Variants in SNX24 observed in about 807,000 individuals in gnomAD.
SNX24 encodes the protein sorting nexin 24.
SNX24 carries 22 observed loss-of-function variants against 28.7 expected under a neutral mutation model. The ratio of observed to expected loss-of-function variants is 0.77; its 90% CI spans 0.55 to 1.10. SNX24 has a LOEUF of 1.10. Among genes scored for constraint, SNX24 ranks in the 50% least tolerant of loss-of-function variants. SNX24 has a pLI of 0.00. For synonymous variants in SNX24, 69 were observed against 71.5 expected (o/e 0.96, Z 0.18); for missense variants, 221 against 201.1 (o/e 1.10, Z -0.60).
intron 3 of SNX24, among the ~76,000 whole-genome samples, chr5:122,999,059 G>T (rs1296229227): frequency 6.6e-6 from 1 of 152,062 alleles, no homozygotes; most frequent in African/African-American, 2.4e-5. Flanking sequence ...AAGAGGGGGA[G>T]GGGGAGGGGG....
chr5:122,858,521 T>C (rs1190924019), intron 1 of SNX24, among the ~76,000 whole-genome samples: 2 of 152,230 alleles, frequency 1.3e-5, no homozygotes, highest in African/African-American at 2.4e-5. Context: ...AATGAGTCTT[T>C]AGAATAAATT....
chr5:122,918,777 A>G (rs1758294539), intron 1 of SNX24, among the ~76,000 whole-genome samples: 1 of 152,372 alleles, frequency 6.6e-6, no homozygotes, highest in African/African-American at 2.4e-5. Context: ...CAGAATCCTA[A>G]GAAAGAACAG....
chr5:122,963,852 G>A (rs1364326851), intron 3 of SNX24, among the ~76,000 whole-genome samples: 1 of 151,922 alleles, frequency 6.6e-6, no homozygotes. Context: ...TAACTTTTTT[G>A]TTATTGTTCT....
intron 1 of SNX24, among the ~76,000 whole-genome samples, chr5:122,934,319 C>G (rs921194004): frequency 7.9e-5 from 12 of 152,188 alleles, no homozygotes; most frequent in Non-Finnish European, 1.6e-4. Flanking sequence ...AAAGACTTTA[C>G]AAAAATGACC....
chr5:122,937,683 C>T (rs545109653), intron 2 of SNX24, among the ~76,000 whole-genome samples: 5 of 152,266 alleles, frequency 3.3e-5, no homozygotes, highest in African/African-American at 1.2e-4. Flanking sequence ...GTTATTGGTA[C>T]ACTTTTCTGT....
chr5:122,853,114 C>A (rs954030224), intron 1 of SNX24, among the ~76,000 whole-genome samples: 5 of 129,920 alleles, frequency 3.8e-5, no homozygotes, highest in Admixed American at 1.6e-4. Context: ...TGTTCTTTAG[C>A]CTTTTTTTTT....
chr5:122,935,850 T>A (rs1759158375), intron 1 of SNX24, among the ~76,000 whole-genome samples: 1 of 152,216 alleles, frequency 6.6e-6, no homozygotes, highest in Non-Finnish European at 1.5e-5. Flanking sequence ...AAAATTAGGC[T>A]TATTAAGTAA....
intron 3 of SNX24, among the ~76,000 whole-genome samples, chr5:122,974,016 C>T (rs1561680183): frequency 6.6e-6 from 1 of 152,182 alleles, no homozygotes; most frequent in African/African-American, 2.4e-5. Flanking sequence ...CTGTTCTGGA[C>T]TCGAAACTGG....
At chr5:122,922,059 G>C (rs1320586893) in intron 1 of SNX24, among the ~76,000 whole-genome samples, 1 of 152,162 alleles carries the variant, frequency 6.6e-6, no homozygotes, top group Admixed American at 6.5e-5. Flanking sequence ...AGTGATTCAT[G>C]CTGAGGCCCG....
intron 2 of SNX24, among the ~76,000 whole-genome samples, chr5:122,943,851 G>A (rs1469078857): frequency 1.3e-5 from 2 of 152,086 alleles, no homozygotes; most frequent in African/African-American, 4.8e-5. Context: ...GTCCCCCACA[G>A]CCCTTTTTCT....
At chr5:123,012,839 C>T (rs1193938528), downstream of SNX24, among the ~76,000 whole-genome samples, 1 of 152,134 alleles carries the variant, frequency 6.6e-6, no homozygotes, top group Non-Finnish European at 1.5e-5. Flanking sequence ...TAGTTCTAAA[C>T]CAGAGATTTG....
intron 1 of SNX24, among the ~76,000 whole-genome samples, chr5:122,922,357 A>G (rs1758468817): frequency 6.6e-6 from 1 of 152,018 alleles, no homozygotes; most frequent in Non-Finnish European, 1.5e-5. Flanking sequence ...GATTCAAGCA[A>G]TTCTCCTGCC....
chr5:122,965,189 G>A (rs1760667691), intron 3 of SNX24, among the ~76,000 whole-genome samples: 1 of 152,136 alleles, frequency 6.6e-6, no homozygotes, highest in African/African-American at 2.4e-5. Flanking sequence ...CCCAAGCCTG[G>A]TTAATTATGC....
intron 3 of SNX24, among the ~76,000 whole-genome samples, chr5:122,992,815 G>A (rs1301132581): frequency 6.6e-6 from 1 of 152,198 alleles, no homozygotes; most frequent in African/African-American, 2.4e-5. Flanking sequence ...GTTAGTAGGT[G>A]CTAAACAAAT....
chr5:122,913,461 C>A (rs531173009), intron 1 of SNX24, among the ~76,000 whole-genome samples: 1 of 151,962 alleles, frequency 6.6e-6, no homozygotes, highest in African/African-American at 2.4e-5. Context: ...ACCTCCCTTC[C>A]GGACGGGGTG....
At chr5:122,981,414 G>T (rs1422651452) in intron 3 of SNX24, among the ~76,000 whole-genome samples, 1 of 152,086 alleles carries the variant, frequency 6.6e-6, no homozygotes, top group Non-Finnish European at 1.5e-5. Flanking sequence ...AGATGAAAAA[G>T]ATGTACTTTT....
At chr5:122,984,536 C>A (rs1412030002) in intron 3 of SNX24, among the ~76,000 whole-genome samples, 21 of 152,164 alleles carry the variant, frequency 1.4e-4, no homozygotes, top group Admixed American at 1.4e-3. Context: ...TGTCAATCAG[C>A]CCTCAGGAGT....
rs578194891 is a variant in SNX24, at chr5:122,957,915, A to G, written c.249+11756A>G. ...GCTGAATTTGCCTGTTAGTTATAAC[A>G]GTTTTTTTGTAGAGTCTTAAGGATT... On this transcript the variant is annotated intron_variant, in intron 3 of 6. Transcript: ENST00000261369. Among the ~76,000 whole-genome samples, 15 of 152,264 alleles carry G rather than the reference A, an allele frequency of 9.9e-5. 1 individual carries two copies. The East Asian group carries it at 2.7e-3, about 27-fold the overall frequency.
intron 4 of SNX24, among the ~76,000 whole-genome samples, chr5:123,000,212 G>A (rs1256751898): frequency 6.6e-6 from 1 of 152,228 alleles, no homozygotes; most frequent in Non-Finnish European, 1.5e-5. Flanking sequence ...AATGGCCATG[G>A]TTCGGTAACC....
Sources: allele counts gnomAD v4.1 joint callset (sites outside exome capture counted in the v4.1 genomes callset), GRCh38; gene constraint gnomAD v4.1.1; transcripts MANE v1.5; gene names NCBI Gene and HGNC (gene_info 2026-07-23, HGNC 2026-07-21).